Variants in ZC3H7B observed in about 807,000 individuals in gnomAD.
ZC3H7B encodes the protein zinc finger CCCH domain-containing protein 7B.
In ZC3H7B, 35 loss-of-function variants were observed where a neutral mutation model predicts 116.0. The ratio of observed to expected loss-of-function variants is 0.30; its 90% CI spans 0.23 to 0.40. The LOEUF (loss-of-function observed/expected upper bound fraction) is 0.40, where lower values mean the gene tolerates loss of function less well. Ranked by LOEUF, ZC3H7B falls within the 10% of genes least tolerant of loss-of-function variation. The probability of loss-of-function intolerance (pLI) is 1.00; values close to 1 mark genes in which losing one functional copy is unlikely to be tolerated. For synonymous variants in ZC3H7B, 502 were observed against 545.6 expected, an observed-to-expected ratio of 0.92 and a Z score of 1.11; for missense variants, 1,011 against 1,321.5, an observed-to-expected ratio of 0.77 and a Z score of 3.64.
intron 12 of ZC3H7B, among the ~76,000 whole-genome samples, chr22:41,343,095 C>T (rs1216729678): frequency 1.3e-5 from 2 of 152,186 alleles, no homozygotes; most frequent in African/African-American, 2.4e-5. Context: ...ATTGCTTGAA[C>T]CCGGAAGGCA....
chr22:41,316,017 T>C lies in ZC3H7B; in HGVS notation c.-6-4638T>C, dbSNP rs556341425. ...TTTTTTTTTTTTGAGACGGAGTTTC[T>C]CCCTTGTTTCTTGTTGCCCAGGCTG... On this transcript the variant is annotated intron_variant, in intron 1 of 22. Transcript: ENST00000352645. Among the ~76,000 whole-genome samples, 12 of 151,580 alleles carry C rather than the reference T, an allele frequency of 7.9e-5. No individual in the cohort carries two copies. In the East Asian group the frequency reaches 2.1e-3, roughly 27 times the overall value.
At position 41,346,307 on chromosome 22, in the gene ZC3H7B, C is replaced by A; in HGVS notation, c.1665+99C>A. On this transcript the variant is annotated intron_variant, in intron 14 of 22. Coordinates refer to ENST00000352645, the MANE Select transcript of ZC3H7B (RefSeq NM_017590.6). This position sits in a 1 kb window ranked among gnomAD's most constrained non-coding sequence, Gnocchi z 5.3. Reference sequence around the variant, plus strand: ...CCACCATAGGAAGTCAGCCCTGGAACCCGTGGGCTGTGGAGGCCTGGTCTT... The same window carrying A: ...CCACCATAGGAAGTCAGCCCTGGAAACCGTGGGCTGTGGAGGCCTGGTCTT... The A allele has an allele frequency of 7.3e-7, 1 of 1,370,406 alleles. No individual in the cohort carries two copies. The highest frequency in any genetic ancestry group is 1.0e-6 in the Non-Finnish European group (1 of 1,003,964). The allele number at this position is 1,370,406 out of a possible 1,614,324, so 84.9% of individuals were successfully genotyped here. A position where few individuals can be genotyped will look rare whatever the true frequency, so the allele number is the denominator to read the frequency against.
Position 41,349,526 on chromosome 22 carries a change from G to T in ZC3H7B, c.1948+225G>T, listed in dbSNP as rs1205661931. On this transcript the variant is annotated intron_variant, in intron 16 of 22. Transcript: ENST00000352645. This position sits in a 1 kb window ranked among gnomAD's most constrained non-coding sequence, Gnocchi z 4.9. ...CTCTCAGGGCGCTTCCAGGCTCGGA[G>T]ATCTGGGTTTTTCCCTTCGTAGGCA... is the stretch of plus-strand genomic sequence containing the variant. 6.6e-6 allele frequency among the ~76,000 whole-genome samples: 1 copy of T among 152,162 alleles called. No homozygotes were observed. Among genetic ancestry groups the T allele is most frequent in the Non-Finnish European group, 1.5e-5 (1 of 68,010 alleles).
intron 7 of ZC3H7B, chr22:41,336,988 T>G (rs1289245961): frequency 6.6e-6 from 1 of 151,642 alleles, no homozygotes; most frequent in African/African-American, 2.4e-5. Flanking sequence ...ATACAAAAAT[T>G]AGCCAGGCAT....
At position 41,338,371 on chromosome 22, in the gene ZC3H7B, C is replaced by T. The variant is rs769919789; in HGVS notation, c.625+16C>T. 9.9e-6 allele frequency: 16 copies of T among 1,612,602 alleles called. No homozygotes were observed. The highest frequency in any genetic ancestry group is 8.4e-5 in the Admixed American group (5 of 59,806). ...ATCGAAACAGGTAATGTCCCCGATA[C>T]GAGGGAACAAGTGGAAATTGGGGCC... On this transcript the variant is annotated intron_variant, in intron 8 of 22. Coordinates refer to ENST00000352645, the MANE Select transcript of ZC3H7B (RefSeq NM_017590.6). The surrounding 1 kb of genome is among the most constrained non-coding windows in gnomAD (Gnocchi z 4.5).
In ZC3H7B at chr22:41,311,791, T is replaced by C. The variant is rs563478545; in HGVS notation, c.-6-8864T>C. ...TGTCCCTTAAATGGAAGCTCGGGGA[T>C]GTTGGTCTTGAGACCTGGGCAGAAT... is the stretch of plus-strand genomic sequence containing the variant. On this transcript the variant is annotated intron_variant, in intron 1 of 22. Transcript: ENST00000352645. Among the ~76,000 whole-genome samples the C allele has an allele frequency of 2.6e-5, 4 of 152,096 alleles. No individual in the cohort carries two copies. The East Asian group carries it at 7.8e-4, about 29-fold the overall frequency.
intron 13 of ZC3H7B, among the ~76,000 whole-genome samples, chr22:41,345,063 C>T (rs1053351004): frequency 2.6e-5 from 4 of 152,172 alleles, no homozygotes; most frequent in Non-Finnish European, 4.4e-5. Flanking sequence ...AATTCTCCTG[C>T]CTCAGCCTCC....
rs921857561 is a variant in ZC3H7B at position 41,351,655 on chromosome 22, T to A, written c.2034+9T>A. The A allele has an allele frequency of 6.2e-7, 1 of 1,612,352 alleles. No individual in the cohort carries two copies. Among genetic ancestry groups the A allele is most frequent in the Non-Finnish European group, 8.5e-7 (1 of 1,179,376 alleles). On this transcript the variant is annotated intron_variant, in intron 17 of 22. Coordinates refer to ENST00000352645, the MANE Select transcript of ZC3H7B (RefSeq NM_017590.6). The surrounding 1 kb of genome is among the most constrained non-coding windows in gnomAD (Gnocchi z 5.1). Reference sequence around the variant, plus strand: ...AGGCCAGCAGCAGCATGGTAAGGCCTTCTGATACTATGCCATTATTCAGAT... The same window carrying A: ...AGGCCAGCAGCAGCATGGTAAGGCCATCTGATACTATGCCATTATTCAGAT...
intron 2 of ZC3H7B, among the ~76,000 whole-genome samples, chr22:41,321,185 C>G (rs1259231459): frequency 6.6e-6 from 1 of 151,238 alleles, no homozygotes; most frequent in African/African-American, 2.4e-5. Context: ...TAGCTGGGAG[C>G]ATAGGTGCAC....
intron 13 of ZC3H7B, 45 bp downstream of exon 13, chr22:41,343,621 C>G: frequency 8.5e-6 from 13 of 1,522,072 alleles, no homozygotes; most frequent in Non-Finnish European, 1.1e-5. Context: ...GGGGCCCAGC[C>G]CCTCCACCCC....
intron 22 of ZC3H7B, 28 bp downstream of exon 22, chr22:41,356,836 G>A (rs1408034068): frequency 6.2e-7 from 1 of 1,612,196 alleles, no homozygotes; most frequent in African/African-American, 1.3e-5. Context: ...GGGCCTGGCG[G>A]GACATGGGGT....
At chr22:41,356,562 C>T in intron 21 of ZC3H7B, 83 bp from the exon 22 acceptor site, 1 of 1,608,192 alleles carries the variant, frequency 6.2e-7, no homozygotes, top group Non-Finnish European at 8.5e-7. Flanking sequence ...GAGGGCCCAG[C>T]CGGCCAGCGC....
At chr22:41,313,685 C>G (rs1019727657) in intron 1 of ZC3H7B, among the ~76,000 whole-genome samples, 14 of 152,278 alleles carry the variant, frequency 9.2e-5, no homozygotes, top group Admixed American at 4.6e-4. Flanking sequence ...CCTCGTCAAC[C>G]AGGCTTTCTT....
In ZC3H7B at chr22:41,327,277, G is replaced by A. The variant is rs1569235210; in HGVS notation, c.357G>A (p.Leu119=). ...TGGACAGTGAGAGTATCCGGGCGTTGTTCCGCAAGGCACGCGCTCTCAATG... is the reference window on the plus strand; with the variant it reads ...TGGACAGTGAGAGTATCCGGGCGTTATTCCGCAAGGCACGCGCTCTCAATG... The part of the protein sequence containing the change: ...LGLDSESIRA[L]FRKARALNEL... Residue 119 remains leucine (L), a synonymous_variant, in exon 5 of 23, where the codon TTG becomes TTA. Coordinates refer to ENST00000352645, the MANE Select transcript of ZC3H7B (RefSeq NM_017590.6). This position sits in a 1 kb window ranked among gnomAD's most constrained non-coding sequence, Gnocchi z 4.5. 3 of 1,613,914 alleles carry A rather than the reference G, an allele frequency of 1.9e-6. No homozygotes were observed. The highest frequency in any genetic ancestry group is 2.7e-5 in the African/African-American group (2 of 74,954).
rs2036744931 is a variant in ZC3H7B at position 41,358,066 on chromosome 22, G to A, written c.*637G>A. ...CACCACCTGAACCCTGCTCCCTCGT[G>A]GGCCAGTGAAAATAGACTGTAGGTC... On this transcript the variant is annotated 3_prime_UTR_variant, in exon 23 of 23. Transcript: ENST00000352645. 1 of 153,928 alleles carries A rather than the reference G, an allele frequency of 6.5e-6. No homozygotes were observed. The highest frequency in any genetic ancestry group is 2.0e-4 in the South Asian group (1 of 4,924). The allele number at this position is 153,928 out of a possible 1,614,324, so 9.5% of individuals were successfully genotyped here.
chr22:41,352,294 CA>C (rs987321858), intron 17 of ZC3H7B, among the ~76,000 whole-genome samples: 1 of 152,210 alleles, frequency 6.6e-6, no homozygotes, highest in African/African-American at 2.4e-5. Context: ...GCTCACACAT[CA>C]GGGGATGCGT....
intron 5 of ZC3H7B, among the ~76,000 whole-genome samples, chr22:41,328,317 G>A (rs939616321): frequency 2.0e-5 from 3 of 152,192 alleles, no homozygotes; most frequent in Non-Finnish European, 4.4e-5. Flanking sequence ...AATGGCCAGG[G>A]AAAGTAACTA....
chr22:41,348,254 C>T, intron 15 of ZC3H7B, 87 bp downstream of exon 15: 1 of 1,208,584 alleles, frequency 8.3e-7, no homozygotes, highest in South Asian at 1.2e-5. Context: ...AAAGGCTGAA[C>T]TGAAAGGGTG....
In ZC3H7B at chr22:41,302,361, CGCGG is replaced by C. The variant is rs1296904158; in HGVS notation, c.-7+591_-7+594del. On this transcript the variant is annotated intron_variant, in intron 1 of 22. Transcript: ENST00000352645. The surrounding 1 kb of genome is among the most constrained non-coding windows in gnomAD (Gnocchi z 5.7). Reference sequence around the variant, plus strand: ...GGGATCCGGGGCCTGCAGCCGGGCCCGCGGGAAGGGGGCGGCAGGAAAGGGGGGC... The same window carrying C: ...GGGATCCGGGGCCTGCAGCCGGGCCCGAAGGGGGCGGCAGGAAAGGGGGGC... Among the ~76,000 whole-genome samples the C allele has an allele frequency of 6.6e-6, 1 of 151,964 alleles. No individual in the cohort carries two copies. The highest frequency in any genetic ancestry group is 1.5e-5 in the Non-Finnish European group (1 of 67,948).
Sources: allele counts gnomAD v4.1 joint callset (sites outside exome capture counted in the v4.1 genomes callset), GRCh38; gene constraint gnomAD v4.1.1; non-coding constraint Gnocchi (gnomAD v3.1); transcripts MANE v1.5; gene names NCBI Gene and HGNC (gene_info 2026-07-23, HGNC 2026-07-21).